WWTR1: variants seen among roughly 807,000 people sequenced by gnomAD.
The protein encoded by WWTR1 is WW domain containing transcription regulator 1.
A neutral mutation model predicts 40.1 loss-of-function variants in WWTR1; 13 were observed. That is an observed-to-expected ratio of 0.32 (90% confidence interval 0.21 to 0.52). WWTR1 has a LOEUF of 0.52. WWTR1 is among the 20% of genes least tolerant of loss of function. The pLI is 0.97. For missense variants in WWTR1, 436 were observed against 523.1 expected (o/e 0.83, Z 1.63); for synonymous variants, 230 against 210.1 (o/e 1.09, Z -0.82).
At chr3:149,612,318 A>G (rs2108069545) in intron 2 of WWTR1, among the ~76,000 whole-genome samples, 1 of 152,092 alleles carries the variant, frequency 6.6e-6, no homozygotes, top group Non-Finnish European at 1.5e-5. Flanking sequence ...ATTTTGTTAC[A>G]ATGGGCATTG....
At chr3:149,623,235 C>T (rs569085722) in intron 2 of WWTR1, among the ~76,000 whole-genome samples, 30 of 151,774 alleles carry the variant, frequency 2.0e-4, no homozygotes, top group African/African-American at 6.0e-4. Context: ...TTGTGGTGCA[C>T]GCCTGTAATC....
intron 1 of WWTR1, among the ~76,000 whole-genome samples, chr3:149,694,130 A>C (rs1301256180): frequency 6.6e-6 from 1 of 152,226 alleles, no homozygotes. Context: ...GCGGTGGCTC[A>C]CGCCTATAAT....
chr3:149,645,795 A>ATT (rs150142433), intron 2 of WWTR1, among the ~76,000 whole-genome samples: 3 of 150,290 alleles, frequency 2.0e-5, no homozygotes, highest in African/African-American at 7.3e-5. Flanking sequence ...ACAAATGAAT[A>ATT]TTTTTTTTTT....
At chr3:149,628,530 G>A (rs1000526236) in intron 2 of WWTR1, among the ~76,000 whole-genome samples, 5 of 152,172 alleles carry the variant, frequency 3.3e-5, no homozygotes, top group African/African-American at 1.2e-4. Flanking sequence ...TTGTATGACA[G>A]GCTAATTCTT....
chr3:149,536,913 T>C (rs16861954), intron 4 of WWTR1, among the ~76,000 whole-genome samples: 13,726 of 152,094 alleles, frequency 0.09, 663 homozygotes, highest in African/African-American at 0.12. Flanking sequence ...TCCTCGAGGT[T>C]AAAATCTTCC....
At chr3:149,538,409 C>G (rs536841410) in intron 4 of WWTR1, among the ~76,000 whole-genome samples, 2 of 152,074 alleles carry the variant, frequency 1.3e-5, no homozygotes, top group Non-Finnish European at 2.9e-5. Flanking sequence ...AACTCTATCA[C>G]AGACAAAAGA....
intron 2 of WWTR1, among the ~76,000 whole-genome samples, chr3:149,640,487 C>T (rs1188843401): frequency 1.3e-5 from 2 of 152,162 alleles, no homozygotes; most frequent in Non-Finnish European, 2.9e-5. Flanking sequence ...GTGCCCCAAT[C>T]TTGGCTCACT....
At chr3:149,721,353 G>C (rs1559849669) in intron 4 of WWTR1, among the ~76,000 whole-genome samples, 1 of 152,100 alleles carries the variant, frequency 6.6e-6, no homozygotes, top group Non-Finnish European at 1.5e-5. Context: ...GCACCACTTG[G>C]GATGATCATG....
intron 3 of WWTR1, among the ~76,000 whole-genome samples, chr3:149,562,140 C>T (rs1237455208): frequency 6.6e-6 from 1 of 151,842 alleles, no homozygotes; most frequent in Non-Finnish European, 1.5e-5. Context: ...ACTAAAAATA[C>T]AAAAATTAGC....
At chr3:149,582,330 G>T (rs1250388237) in intron 2 of WWTR1, among the ~76,000 whole-genome samples, 1 of 151,836 alleles carries the variant, frequency 6.6e-6, no homozygotes, top group Non-Finnish European at 1.5e-5. Flanking sequence ...TTTGATTTGG[G>T]CCAAGAGCCA....
intron 2 of WWTR1, among the ~76,000 whole-genome samples, chr3:149,644,652 G>T (rs1047933256): frequency 6.6e-6 from 1 of 152,168 alleles, no homozygotes; most frequent in African/African-American, 2.4e-5. Context: ...ACCAGTAACA[G>T]AGACTTCCCA....
At chr3:149,580,706 C>T (rs1012301450) in intron 2 of WWTR1, among the ~76,000 whole-genome samples, 6 of 152,154 alleles carry the variant, frequency 3.9e-5, no homozygotes, top group Non-Finnish European at 8.8e-5. Flanking sequence ...CTCTGCCTTC[C>T]GGTTCAGGCA....
At position 149,651,506 on chromosome 3, in the gene WWTR1, G is replaced by A. The variant is rs184997305; in HGVS notation, c.431+5370C>T. ...GACTCGATAGGTTAGACAAGATTGA[G>A]AGCCTAGAAAACTTTTGAGATCATA... is the stretch of plus-strand genomic sequence containing the variant. On this transcript the variant is annotated intron_variant, in intron 2 of 6. Coordinates refer to ENST00000360632, the MANE Select transcript of WWTR1 (RefSeq NM_015472.6). 4.4e-3 allele frequency among the ~76,000 whole-genome samples: 668 copies of A among 152,242 alleles called. 5 individuals are homozygous for A. Among genetic ancestry groups the A allele is most frequent in the African/African-American group, 0.015 (633 of 41,546 alleles).
intron 3 of WWTR1, 144 bp from the exon 4 acceptor site, chr3:149,542,681 G>A (rs1736170524): frequency 1.1e-6 from 1 of 873,864 alleles, no homozygotes; most frequent in East Asian, 2.8e-5. Flanking sequence ...TACTGTTTAA[G>A]TAATTATTAC....
intron 6 of WWTR1, 68 bp from the exon 7 acceptor site, chr3:149,521,057 G>A (rs1735022880): frequency 2.0e-6 from 3 of 1,482,662 alleles, no homozygotes; most frequent in Non-Finnish European, 1.8e-6. Flanking sequence ...AACAGTTCAA[G>A]TATTTACATA....
At chr3:149,559,141 A>G (rs931584004) in intron 3 of WWTR1, among the ~76,000 whole-genome samples, 1 of 152,006 alleles carries the variant, frequency 6.6e-6, no homozygotes, top group Non-Finnish European at 1.5e-5. Context: ...TAAAAATACA[A>G]AAATTTGCCA....
chr3:149,719,423 G>A (rs569556349), intron 4 of WWTR1, among the ~76,000 whole-genome samples: 32 of 152,148 alleles, frequency 2.1e-4, no homozygotes, highest in African/African-American at 7.0e-4. Flanking sequence ...CACCTGCCTC[G>A]GCTTCCCAAA....
chr3:149,546,040 T>A (rs1442272985), intron 3 of WWTR1, among the ~76,000 whole-genome samples: 1 of 152,202 alleles, frequency 6.6e-6, no homozygotes. Flanking sequence ...TATTAATACC[T>A]GAATCCTAAT....
At position 149,710,029 on chromosome 3, in the gene WWTR1, T is replaced by C. The variant is rs151018314; in HGVS notation, n.585-6701A>G. Among the ~76,000 whole-genome samples the C allele has an allele frequency of 6.3e-3, 954 of 152,278 alleles. 12 individuals are homozygous for C. The highest frequency in any genetic ancestry group is 0.022 in the African/African-American group (909 of 41,566). ...AGGTCACAAACCCTTCTAATTAGTT[T>C]TGTCATGGTGCATCTGCCCTATTTT... On this transcript the variant is annotated intron_variant and non_coding_transcript_variant, in intron 5 of 6. Transcript: ENST00000474080.
Sources: gnomAD v4.1 joint callset for allele counts (sites outside exome capture counted in the v4.1 genomes callset) on GRCh38, gnomAD v4.1.1 for gene constraint, MANE v1.5 for transcripts, NCBI Gene and HGNC (gene_info 2026-07-23, HGNC 2026-07-21) for gene names.